Variants in C7orf33 observed in about 807,000 individuals in gnomAD.
C7orf33 encodes chromosome 7 open reading frame 33.
In C7orf33, 15 loss-of-function variants were observed where a neutral mutation model predicts 13.4. The observed-to-expected ratio is 1.12, with a 90% CI of 0.75 to 1.72. The LOEUF (loss-of-function observed/expected upper bound fraction) is 1.72. Among genes scored for constraint, C7orf33 ranks in the 40% most tolerant of loss-of-function variants. The pLI is 0.00. For synonymous variants in C7orf33, 73 were observed against 83.2 expected, an observed-to-expected ratio of 0.88 and a Z score of 0.67; for missense variants, 187 against 220.3, an observed-to-expected ratio of 0.85 and a Z score of 0.96.
chr7:148,604,979 C>G (rs1796457908), intron 1 of C7orf33, among the ~76,000 whole-genome samples: 1 of 152,202 alleles, frequency 6.6e-6, no homozygotes, highest in Non-Finnish European at 1.5e-5. Flanking sequence ...CGCCTGTACT[C>G]TCAGCTCTTC....
chr7:148,594,661 G>A (rs1796308774), intron 1 of C7orf33, among the ~76,000 whole-genome samples: 1 of 152,084 alleles, frequency 6.6e-6, no homozygotes, highest in Non-Finnish European at 1.5e-5. Flanking sequence ...CAGTTTGTAG[G>A]GAGATATAAT....
At position 148,614,054 on chromosome 7, in the gene C7orf33, C is replaced by T. The variant is rs1374418937; in HGVS notation, c.217C>T (p.His73Tyr). ...ATGRHKKPNP[H>Y]QNMNRGMEFI... ...TTGTTTTTTCCAGAAGCCAAACCCACACCAAAACATGAACCGGGGGATGGA... is the reference window on the plus strand; with the variant it reads ...TTGTTTTTTCCAGAAGCCAAACCCATACCAAAACATGAACCGGGGGATGGA... The change falls in exon 2 of 3, where the codon CAC (histidine) becomes TAC (tyrosine). Residue 73 changes from histidine to tyrosine, a missense_variant. Coordinates refer to ENST00000307003, the MANE Select transcript of C7orf33 (RefSeq NM_145304.4). 3 of 1,613,948 alleles carry T rather than the reference C, an allele frequency of 1.9e-6. No homozygotes were observed. Among genetic ancestry groups the T allele is most frequent in the African/African-American group, 1.3e-5 (1 of 75,036 alleles).
At chr7:148,610,735 T>C (rs550206170) in intron 1 of C7orf33, among the ~76,000 whole-genome samples, 336 of 152,130 alleles carry the variant, frequency 2.2e-3, no homozygotes, top group Non-Finnish European at 3.9e-3. Flanking sequence ...TTACATAGTA[T>C]GGGGGACAAG....
At position 148,590,995 on chromosome 7, in the gene C7orf33, T is replaced by C. The variant is rs776331085; in HGVS notation, c.70T>C (p.Cys24Arg). The change falls in exon 1 of 3, where the codon TGT becomes CGT. Residue 24 changes from cysteine (C) to arginine (R), a missense_variant. Transcript: ENST00000307003. ...GAGACTTCCAGGCCCCCAATGTGAA[T>C]GTGAAGCCCTCCTGCCCAGTGGGGC... is the stretch of plus-strand genomic sequence containing the variant. The part of the protein sequence containing the change: ...PWRLPGPQCE[C>R]EALLPSGARR... The C allele has an allele frequency of 3.3e-5, 53 of 1,614,054 alleles. No individual in the cohort carries two copies. The highest frequency in any genetic ancestry group is 4.2e-5 in the Non-Finnish European group (50 of 1,180,038).
intron 1 of C7orf33, among the ~76,000 whole-genome samples, chr7:148,599,622 G>A (rs563327523): frequency 2.8e-4 from 43 of 151,802 alleles, no homozygotes; most frequent in African/African-American, 8.5e-4. Context: ...TTACAGGTGC[G>A]CACCATCACG....
At chr7:148,605,936 G>T (rs1796468394) in intron 1 of C7orf33, among the ~76,000 whole-genome samples, 1 of 152,152 alleles carries the variant, frequency 6.6e-6, no homozygotes, top group Non-Finnish European at 1.5e-5. Context: ...AACTTAAATA[G>T]AAAACTAACT....
Position 148,606,888 on chromosome 7 carries a change from C to G in C7orf33, c.205-7154C>G, listed in dbSNP as rs979857637. 5.3e-5 allele frequency among the ~76,000 whole-genome samples: 8 copies of G among 150,184 alleles called. No homozygotes were observed. In the South Asian group the frequency reaches 1.3e-3, roughly 24 times the overall value. The stretch of plus-strand genomic sequence containing the variant: ...AGGCGTGAGCCACCGCGTCTGGCCA[C>G]CTCATAAGGTTCTTAGTTGGAATAG... On this transcript the variant is annotated intron_variant, in intron 1 of 2. Transcript: ENST00000307003.
At chr7:148,596,642 G>T (rs577635849) in intron 1 of C7orf33, among the ~76,000 whole-genome samples, 1 of 152,052 alleles carries the variant, frequency 6.6e-6, no homozygotes, top group East Asian at 1.9e-4. Flanking sequence ...AACAACATGG[G>T]GGAAACTGCC....
At chr7:148,602,753 G>A (rs1373756267) in intron 1 of C7orf33, among the ~76,000 whole-genome samples, 2 of 152,158 alleles carry the variant, frequency 1.3e-5, no homozygotes, top group Admixed American at 1.3e-4. Flanking sequence ...CACTGATGAT[G>A]TAATTGTCTG....
In C7orf33 at chr7:148,601,097, C is replaced by T. The variant is rs1025483363; in HGVS notation, c.204+9968C>T. Among the ~76,000 whole-genome samples the T allele has an allele frequency of 7.2e-5, 11 of 151,990 alleles. No individual in the cohort carries two copies. The East Asian group carries it at 1.6e-3, about 21-fold the overall frequency. On this transcript the variant is annotated intron_variant, in intron 1 of 2. Transcript: ENST00000307003. ...GATTACAGGTGTGAGCCACCGCGCC[C>T]GGCCTTATTGACTTCTTTAAGATCA...
chr7:148,612,719 A>G (rs1049179657), intron 1 of C7orf33, among the ~76,000 whole-genome samples: 1 of 152,052 alleles, frequency 6.6e-6, no homozygotes, highest in African/African-American at 2.4e-5. Flanking sequence ...GGCTATAACT[A>G]AAAAGGCAAG....
In C7orf33 at chr7:148,591,075, C is replaced by A. The variant is rs745483086; in HGVS notation, c.150C>A (p.His50Gln). ...LSGRAVAVWV[H>Q]VRGGPGQFNL... is the part of the protein sequence containing the mutation. ...GGAGGGCAGTCGCTGTTTGGGTCCA[C>A]GTTAGGGGCGGTCCAGGTCAATTTA... Residue 50 changes from histidine (H) to glutamine (Q), a missense_variant, in exon 1 of 3, where the codon CAC becomes CAA. Coordinates refer to ENST00000307003, the MANE Select transcript of C7orf33 (RefSeq NM_145304.4). The A allele has an allele frequency of 6.2e-7, 1 of 1,613,920 alleles. No individual in the cohort carries two copies. Among genetic ancestry groups the A allele is most frequent in the Non-Finnish European group, 8.5e-7 (1 of 1,179,988 alleles).
At chr7:148,595,676 A>C (rs1391777095) in intron 1 of C7orf33, among the ~76,000 whole-genome samples, 18 of 110,192 alleles carry the variant, frequency 1.6e-4, no homozygotes, top group Non-Finnish European at 3.0e-4. Context: ...ATATAGATAT[A>C]ATATAGATCT....
intron 1 of C7orf33, among the ~76,000 whole-genome samples, chr7:148,601,802 C>T (rs1796419121): frequency 6.6e-6 from 1 of 152,092 alleles, no homozygotes; most frequent in African/African-American, 2.4e-5. Context: ...GGCTAGAATA[C>T]AGTGTTGGAA....
chr7:148,613,667 A>T (rs553137020), intron 1 of C7orf33, among the ~76,000 whole-genome samples: 2 of 152,282 alleles, frequency 1.3e-5, no homozygotes, highest in South Asian at 4.1e-4. Context: ...TTAGGGAGAA[A>T]TGGGGAGTGA....
rs776790488 is a variant in C7orf33, at chr7:148,614,040, A to G, written c.205-2A>G. The G allele has an allele frequency of 6.2e-7, 1 of 1,611,284 alleles. No individual in the cohort carries two copies. Among genetic ancestry groups the G allele is most frequent in the Non-Finnish European group, 8.5e-7 (1 of 1,177,876 alleles). On this transcript the variant is annotated splice_acceptor_variant, in intron 1 of 2. Coordinates refer to ENST00000307003, the MANE Select transcript of C7orf33 (RefSeq NM_145304.4). LOFTEE classifies it high-confidence loss of function. ...ATTTGTTTGTTTGTTTGTTTTTTCC[A>G]GAAGCCAAACCCACACCAAAACATG...
chr7:148,597,856 C>T (rs747017775), intron 1 of C7orf33, among the ~76,000 whole-genome samples: 7 of 152,018 alleles, frequency 4.6e-5, no homozygotes, highest in Non-Finnish European at 7.4e-5. Context: ...CCCAGGTTCA[C>T]GCCATTCTCC....
At position 148,590,821 on chromosome 7, in the gene C7orf33, A is replaced by C. The variant is rs990718577; in HGVS notation, c.-105A>C. 4.8e-6 allele frequency: 5 copies of C among 1,034,404 alleles called. No homozygotes were observed. Among genetic ancestry groups the C allele is most frequent in the Non-Finnish European group, 7.4e-6 (5 of 674,036 alleles). 64.1% of individuals were successfully genotyped at this position (1,034,404 alleles called of 1,614,324 possible). A position where few individuals can be genotyped will look rare whatever the true frequency, so the allele number is the denominator to read the frequency against. On this transcript the variant is annotated 5_prime_UTR_variant, in exon 1 of 3. Transcript: ENST00000307003. ...AGCGAGGCGCCCAGCCTGTGTCTGA[A>C]TCCTCCTACTGACCCTGGGGATCCG...
chr7:148,612,893 A>G (rs1044184258), intron 1 of C7orf33, among the ~76,000 whole-genome samples: 2 of 151,844 alleles, frequency 1.3e-5, no homozygotes, highest in South Asian at 2.1e-4. Context: ...TATTTATGTG[A>G]TACAGAATGA....
Sources: gnomAD v4.1 joint callset for allele counts (sites outside exome capture counted in the v4.1 genomes callset) on GRCh38, gnomAD v4.1.1 for gene constraint, MANE v1.5 for transcripts, NCBI Gene and HGNC (gene_info 2026-07-23, HGNC 2026-07-21) for gene names.